FRYL: variants seen among roughly 807,000 people sequenced by gnomAD.
FRYL encodes the protein protein furry homolog-like.
In FRYL, 150 loss-of-function variants were observed where a neutral mutation model predicts 351.2. That is an observed-to-expected ratio of 0.43 (90% CI 0.37 to 0.49). The LOEUF is 0.49. Ranked by LOEUF, FRYL falls within the 20% of genes least tolerant of loss-of-function variation. The pLI is 0.00. For synonymous variants in FRYL, 1,153 were observed against 1,257.1 expected (o/e 0.92, Z 1.75); for missense variants, 3,036 against 3,619.3 (o/e 0.84, Z 4.13).
At position 48,690,379 on chromosome 4, in the gene FRYL, T is replaced by A. The variant is rs183286669; in HGVS notation, c.-203-5584A>T. Among the ~76,000 whole-genome samples the A allele has an allele frequency of 3.2e-3, 493 of 152,234 alleles. 3 individuals are homozygous for A. The highest frequency in any genetic ancestry group is 0.012 in the African/African-American group (478 of 41,520). On this transcript the variant is annotated intron_variant, in intron 2 of 63. Coordinates refer to ENST00000358350, the MANE Select transcript of FRYL (RefSeq NM_015030.2). ...CATTATCAACATGGTTTTCCTAGAATAACCAACCCTAATGTATTCAGTGGC... is the reference window on the plus strand; with the variant it reads ...CATTATCAACATGGTTTTCCTAGAAAAACCAACCCTAATGTATTCAGTGGC...
At chr4:48,686,167 C>A (rs367621491) in intron 2 of FRYL, among the ~76,000 whole-genome samples, 2 of 152,156 alleles carry the variant, frequency 1.3e-5, no homozygotes, top group African/African-American at 4.8e-5. Context: ...AATCTCCAAC[C>A]CAACAGAAAG....
intron 25 of FRYL, 24 bp downstream of exon 25, chr4:48,575,093 G>GA (rs765795910): frequency 2.9e-5 from 47 of 1,610,666 alleles, no homozygotes; most frequent in South Asian, 2.2e-5. Context: ...TTAGGACATA[G>GA]AAAAAATGTA....
At chr4:48,552,328 C>G (rs1054114997) in intron 36 of FRYL, among the ~76,000 whole-genome samples, 1 of 151,504 alleles carries the variant, frequency 6.6e-6, no homozygotes, top group African/African-American at 2.4e-5. Context: ...AGAGTTTTCT[C>G]TAGGGAATCT....
At chr4:48,550,809 C>G in intron 37 of FRYL, 105 bp from the exon 38 acceptor site, 2 of 856,074 alleles carry the variant, frequency 2.3e-6, no homozygotes, top group Non-Finnish European at 3.8e-6. Flanking sequence ...CGCCATGGTT[C>G]AAGCCTGTAA....
chr4:48,501,577 T>A (rs1719669998), intron 62 of FRYL, 46 bp downstream of exon 62: 3 of 1,053,486 alleles, frequency 2.8e-6, no homozygotes, highest in East Asian at 2.4e-5. Flanking sequence ...TATTTTAAAA[T>A]TTTTTTAGAA....
chr4:48,640,905 CTGGAGCTTAAAACAATAACATACT>C (rs1448477734), intron 3 of FRYL, among the ~76,000 whole-genome samples: 1 of 152,154 alleles, frequency 6.6e-6, no homozygotes, highest in Non-Finnish European at 1.5e-5. Context: ...ACAGCTCAAG[CTGGAGCTTAAAACAATAACATACT>C]TGGATCACAC....
At chr4:48,761,370 G>A (rs1279327876) in intron 1 of FRYL, among the ~76,000 whole-genome samples, 4 of 152,152 alleles carry the variant, frequency 2.6e-5, no homozygotes, top group African/African-American at 4.8e-5. Flanking sequence ...AGATTATAAT[G>A]AAGCTGAAAA....
chr4:48,526,464 G>A (rs1726257518), intron 53 of FRYL, among the ~76,000 whole-genome samples: 2 of 152,018 alleles, frequency 1.3e-5, no homozygotes, highest in Admixed American at 1.3e-4. Context: ...TCCTAATTTG[G>A]GCCAATGAGA....
chr4:48,660,871 ACCAATAAT>A (rs1223477297), intron 3 of FRYL, among the ~76,000 whole-genome samples: 1 of 152,220 alleles, frequency 6.6e-6, no homozygotes, highest in Non-Finnish European at 1.5e-5. Context: ...AAAATACCCA[ACCAATAAT>A]CCAACATTAT....
At chr4:48,768,671 C>T (rs1272500327) in intron 1 of FRYL, among the ~76,000 whole-genome samples, 3 of 151,910 alleles carry the variant, frequency 2.0e-5, no homozygotes, top group Non-Finnish European at 4.4e-5. Flanking sequence ...GGTGTGGTGG[C>T]GGGCGCCTGT....
At chr4:48,597,678 TA>T (rs1188189423) in intron 13 of FRYL, among the ~76,000 whole-genome samples, 1 of 152,208 alleles carries the variant, frequency 6.6e-6, no homozygotes, top group East Asian at 1.9e-4. Flanking sequence ...TATTAAAAAT[TA>T]TACATTAAAG....
chr4:48,519,964 C>G (rs1444608182), intron 55 of FRYL, among the ~76,000 whole-genome samples: 1 of 152,208 alleles, frequency 6.6e-6, no homozygotes, highest in Non-Finnish European at 1.5e-5. Context: ...ATCTCCTGAC[C>G]TCATGATCTG....
At chr4:48,766,241 A>G (rs1774932763) in intron 1 of FRYL, among the ~76,000 whole-genome samples, 1 of 152,162 alleles carries the variant, frequency 6.6e-6, no homozygotes, top group African/African-American at 2.4e-5. Context: ...CTGGTTTGTG[A>G]GGAACTACAC....
At position 48,651,582 on chromosome 4, in the gene FRYL, A is replaced by G. The variant is rs113255923; in HGVS notation, c.-80-17092T>C. Among the ~76,000 whole-genome samples, 594 of 152,162 alleles carry G rather than the reference A, an allele frequency of 3.9e-3. 6 individuals are homozygous for G. The highest frequency in any genetic ancestry group is 0.014 in the African/African-American group (567 of 41,526). On this transcript the variant is annotated intron_variant, in intron 3 of 63. Coordinates refer to ENST00000358350, the MANE Select transcript of FRYL (RefSeq NM_015030.2). Reference sequence around the variant, plus strand: ...TTTCTCATTTGACTTCCTTACTACAACTTTTCACATATACTTTCTCTAAGC... The same window carrying G: ...TTTCTCATTTGACTTCCTTACTACAGCTTTTCACATATACTTTCTCTAAGC...
Position 48,586,731 on chromosome 4 carries a change from GA to G in FRYL, c.1641-4del. 1.9e-6 allele frequency: 3 copies of G among 1,564,704 alleles called. No homozygotes were observed. Among genetic ancestry groups the G allele is most frequent in the Non-Finnish European group, 2.6e-6 (3 of 1,142,202 alleles). ...CAATCTTGGGTTTTCTTTCCCCCCT[GA>G]AAAATACAACAGGATTTAATAAGAA... On this transcript the variant is annotated splice_polypyrimidine_tract_variant and splice_region_variant and intron_variant, in intron 18 of 63. Transcript: ENST00000358350.
chr4:48,537,835 G>A (rs1289118835), intron 47 of FRYL, among the ~76,000 whole-genome samples: 3 of 152,128 alleles, frequency 2.0e-5, no homozygotes, highest in Admixed American at 2.0e-4. Flanking sequence ...CATTTAGCAG[G>A]CAGTAATCAT....
intron 1 of FRYL, among the ~76,000 whole-genome samples, chr4:48,752,717 A>C (rs931501412): frequency 1.3e-5 from 2 of 152,260 alleles, no homozygotes; most frequent in Non-Finnish European, 2.9e-5. Context: ...TAACTGATGA[A>C]TATAGGTGAA....
intron 49 of FRYL, among the ~76,000 whole-genome samples, chr4:48,533,809 C>CT (rs1728256191): frequency 6.6e-6 from 1 of 152,186 alleles, no homozygotes; most frequent in Non-Finnish European, 1.5e-5. Context: ...ATATCTGGCA[C>CT]TTTTTATCAG....
chr4:48,776,621 A>G (rs1776051753), intron 1 of FRYL, among the ~76,000 whole-genome samples: 1 of 152,218 alleles, frequency 6.6e-6, no homozygotes, highest in South Asian at 2.1e-4. Flanking sequence ...TACAGGAGCA[A>G]AAACAAAGAA....
Sources: allele counts gnomAD v4.1 joint callset (sites outside exome capture counted in the v4.1 genomes callset), GRCh38; gene constraint gnomAD v4.1.1; transcripts MANE v1.5; gene names NCBI Gene and HGNC (gene_info 2026-07-23, HGNC 2026-07-21).